The following TOR1A variants were observed in gnomAD, a reference collection of about 807,000 sequenced individuals.
TOR1A encodes the protein torsin-1A.
A neutral mutation model predicts 31.4 loss-of-function variants in TOR1A; 18 were observed. That is an observed-to-expected ratio of 0.57 (90% CI 0.40 to 0.85). The LOEUF (loss-of-function observed/expected upper bound fraction) is 0.85. Ranked by LOEUF, TOR1A falls within the 40% of genes least tolerant of loss-of-function variation. TOR1A has a pLI of 0.00. For synonymous variants in TOR1A, 168 were observed against 165.9 expected (o/e 1.01, Z -0.10); for missense variants, 375 against 416.4 (o/e 0.90, Z 0.87).
In TOR1A at chr9:129,818,723, C is replaced by T. The variant is rs767631899; in HGVS notation, c.620+22G>A. 16 of 1,613,758 alleles carry T rather than the reference C, an allele frequency of 9.9e-6. No homozygotes were observed. The East Asian group carries it at 3.3e-4, about 34-fold the overall frequency. ...AGGCTTGGGCTCGGGGCCCATCCAT[C>T]ATGTCCTAGCCCTGACCTTACCTGA... On this transcript the variant is annotated intron_variant, in intron 3 of 4. Coordinates refer to ENST00000351698, the MANE Select transcript of TOR1A (RefSeq NM_000113.3).
intron 2 of TOR1A, among the ~76,000 whole-genome samples, chr9:129,820,033 G>C (rs1279210242): frequency 6.6e-6 from 1 of 152,018 alleles, no homozygotes; most frequent in Non-Finnish European, 1.5e-5. Context: ...CAGCAGCCAA[G>C]GTTTCTCACT....
chr9:129,822,685 T>C lies in TOR1A; in HGVS notation c.340A>G (p.Ile114Val). The C allele has an allele frequency of 6.2e-7, 1 of 1,614,252 alleles. No homozygotes were observed. The highest frequency in any genetic ancestry group is 8.5e-7 in the Non-Finnish European group (1 of 1,180,044). The change falls in exon 2 of 5, where the codon ATC (isoleucine) becomes GTC (valine). Residue 114 changes from isoleucine to valine, a missense_variant. By Grantham distance (29) the Ile-to-Val change is conservative. Coordinates refer to ENST00000351698, the MANE Select transcript of TOR1A (RefSeq NM_000113.3). ...CCCTCGTAAATATTCTCTGCGATGA[T>C]CTTGCTGACGAAATTTTTGCCGGTG... ...TGTGKNFVSK[I>V]IAENIYEGGL...
intron 2 of TOR1A, among the ~76,000 whole-genome samples, chr9:129,820,451 A>G (rs115270108): frequency 0.047 from 7,221 of 152,168 alleles, 579 homozygotes; most frequent in African/African-American, 0.16. Flanking sequence ...TGACCTCCCA[A>G]AACCCATCAC....
chr9:129,820,842 G>A (rs151019004), intron 2 of TOR1A, among the ~76,000 whole-genome samples: 1 of 152,272 alleles, frequency 6.6e-6, no homozygotes, highest in Non-Finnish European at 1.5e-5. Flanking sequence ...CAAGGGATCA[G>A]CCGGTTTTGG....
At chr9:129,823,866 C>T in intron 1 of TOR1A, 42 bp downstream of exon 1, 2 of 1,531,280 alleles carry the variant, frequency 1.3e-6, no homozygotes, top group South Asian at 1.2e-5. Flanking sequence ...CATCGCCCAG[C>T]CCCAGCCCCA....
intron 4 of TOR1A, among the ~76,000 whole-genome samples, chr9:129,815,716 C>T (rs1001625096): frequency 6.6e-6 from 1 of 152,218 alleles, no homozygotes; most frequent in Non-Finnish European, 1.5e-5. Context: ...GCCCTGATGC[C>T]ATTGCCCACT....
intron 4 of TOR1A, among the ~76,000 whole-genome samples, chr9:129,814,996 G>A (rs1371378648): frequency 6.6e-6 from 1 of 152,160 alleles, no homozygotes; most frequent in Non-Finnish European, 1.5e-5. Flanking sequence ...CTGAATGCGG[G>A]CTGGCTCTGC....
chr9:129,823,017 G>A (rs1056423527), intron 1 of TOR1A, among the ~76,000 whole-genome samples, 171 bp from the exon 2 acceptor site: 4 of 152,150 alleles, frequency 2.6e-5, no homozygotes, highest in African/African-American at 9.7e-5. Flanking sequence ...GGCGGTCCAG[G>A]GAGCCCTCCC....
In TOR1A at chr9:129,822,948, C is replaced by T. The variant is rs533873975; in HGVS notation, c.179-102G>A. On this transcript the variant is annotated intron_variant, in intron 1 of 4. Transcript: ENST00000351698. ...GCCAGCAAAGCCGTCTAGACGCCCTCCAAGCACCTTGCGAAACCTCAAGTA... is the reference window on the plus strand; with the variant it reads ...GCCAGCAAAGCCGTCTAGACGCCCTTCAAGCACCTTGCGAAACCTCAAGTA... 3.2e-6 allele frequency: 5 copies of T among 1,554,132 alleles called. No homozygotes were observed. In the South Asian group the frequency reaches 4.5e-5, roughly 14 times the overall value.
intron 2 of TOR1A, among the ~76,000 whole-genome samples, chr9:129,820,246 T>G (rs1232689924): frequency 6.6e-6 from 1 of 152,048 alleles, no homozygotes; most frequent in African/African-American, 2.4e-5. Context: ...CTCAGCCCCC[T>G]GAGTAGCTGA....
intron 4 of TOR1A, among the ~76,000 whole-genome samples, chr9:129,817,543 C>T (rs545164289): frequency 4.6e-5 from 7 of 151,664 alleles, no homozygotes; most frequent in African/African-American, 1.7e-4. Flanking sequence ...ACTAAAAATA[C>T]AAAAAATTTG....
chr9:129,813,588 G>A lies in TOR1A; in HGVS notation c.*384C>T. On this transcript the variant is annotated 3_prime_UTR_variant, in exon 5 of 5. Coordinates refer to ENST00000351698, the MANE Select transcript of TOR1A (RefSeq NM_000113.3). ...ACACAAGGCCAACAACTTAGAATCTGAGCAGTCTCTCATAATGTTAAAAAT... is the reference window on the plus strand; with the variant it reads ...ACACAAGGCCAACAACTTAGAATCTAAGCAGTCTCTCATAATGTTAAAAAT... 2 of 319,828 alleles carry A rather than the reference G, an allele frequency of 6.3e-6. No individual in the cohort carries two copies. The highest frequency in any genetic ancestry group is 6.0e-6 in the Non-Finnish European group (1 of 167,196). The allele number at this position is 319,828 out of a possible 1,614,324, so 19.8% of individuals were successfully genotyped here. A position where few individuals can be genotyped will look rare whatever the true frequency, so the allele number is the denominator to read the frequency against.
At chr9:129,816,669 C>T (rs1187374167) in intron 4 of TOR1A, among the ~76,000 whole-genome samples, 2 of 152,170 alleles carry the variant, frequency 1.3e-5, no homozygotes, top group African/African-American at 4.8e-5. Flanking sequence ...CAGGGCTGCC[C>T]GACTCCCAGG....
In TOR1A at chr9:129,813,451, C is replaced by A. The variant is rs1439506474; in HGVS notation, c.*521G>T. ...GCTGGCTCATGCTCCAGCCACATCCCCAGGGATGCCCTCCTGTGGAACAAA... is the reference window on the plus strand; with the variant it reads ...GCTGGCTCATGCTCCAGCCACATCCACAGGGATGCCCTCCTGTGGAACAAA... On this transcript the variant is annotated 3_prime_UTR_variant, in exon 5 of 5. Coordinates refer to ENST00000351698, the MANE Select transcript of TOR1A (RefSeq NM_000113.3). The A allele has an allele frequency of 4.1e-6, 1 of 242,870 alleles. No individual in the cohort carries two copies. Among genetic ancestry groups the A allele is most frequent in the Non-Finnish European group, 8.1e-6 (1 of 123,390 alleles). The allele number at this position is 242,870 out of a possible 1,614,324, so 15.0% of individuals were successfully genotyped here. A position where few individuals can be genotyped will look rare whatever the true frequency, so the allele number is the denominator to read the frequency against.
intron 1 of TOR1A, 114 bp from the exon 2 acceptor site, chr9:129,822,960 C>T (rs545468380): frequency 1.6e-5 from 23 of 1,477,490 alleles, no homozygotes; most frequent in Non-Finnish European, 2.1e-5. Context: ...AAGCACCTTG[C>T]GAAACCTCAA....
rs1020080991 is a variant in TOR1A at position 129,822,675 on chromosome 9, T to C, written c.350A>G (p.Glu117Gly). The change falls in exon 2 of 5, where the codon GAG becomes GGG. Residue 117 changes from glutamate to glycine, a missense_variant. By Grantham distance (98) the Glu-to-Gly change is moderately conservative. Transcript: ENST00000351698. ...GTTCAGACCACCCTCGTAAATATTC[T>C]CTGCGATGATCTTGCTGACGAAATT... ...GKNFVSKIIAENIYEGGLNSD... is the reference protein window; with the variant it reads ...GKNFVSKIIAGNIYEGGLNSD... 4.3e-6 allele frequency: 7 copies of C among 1,614,218 alleles called. No individual in the cohort carries two copies. Among genetic ancestry groups the C allele is most frequent in the Non-Finnish European group, 5.9e-6 (7 of 1,180,048 alleles).
At chr9:129,814,983 C>T (rs574940415) in intron 4 of TOR1A, among the ~76,000 whole-genome samples, 4 of 152,312 alleles carry the variant, frequency 2.6e-5, no homozygotes, top group Admixed American at 2.0e-4. Context: ...CGTGTTTTCT[C>T]CCCTGAATGC....
chr9:129,815,925 C>T (rs949898463), intron 4 of TOR1A, among the ~76,000 whole-genome samples: 3 of 152,144 alleles, frequency 2.0e-5, no homozygotes, highest in Non-Finnish European at 4.4e-5. Flanking sequence ...CTCCCTGCCC[C>T]TGTGGCTGTG....
At chr9:129,823,156 G>T (rs1460128924) in intron 1 of TOR1A, 4 of 446,258 alleles carry the variant, frequency 9.0e-6, no homozygotes, top group Admixed American at 3.4e-5. Flanking sequence ...AGGCAGAGCC[G>T]GGAAAGGAAA....
Sources: gnomAD v4.1 joint callset for allele counts (sites outside exome capture counted in the v4.1 genomes callset) on GRCh38, gnomAD v4.1.1 for gene constraint, MANE v1.5 for transcripts, NCBI Gene and HGNC (gene_info 2026-07-23, HGNC 2026-07-21) for gene names.